GEMIN5: variants seen among roughly 807,000 people sequenced by gnomAD.
The protein encoded by GEMIN5 is gem-associated protein 5.
GEMIN5 carries 124 observed loss-of-function variants against 176.9 expected under a neutral mutation model. The ratio of observed to expected loss-of-function variants is 0.70; its 90% CI spans 0.61 to 0.81. The LOEUF is 0.81. GEMIN5 is among the 40% of genes least tolerant of loss of function. The pLI, the probability that GEMIN5 is intolerant of heterozygous loss-of-function variation, is 0.00. For missense variants in GEMIN5, 1,843 were observed against 1,814.6 expected (o/e 1.02, Z -0.28); for synonymous variants, 673 against 665.2 (o/e 1.01, Z -0.18).
At chr5:154,904,477 T>C (rs1484752209) in intron 18 of GEMIN5, 30 bp downstream of exon 18, 15 of 1,604,088 alleles carry the variant, frequency 9.4e-6, no homozygotes, top group Non-Finnish European at 1.2e-5. Flanking sequence ...CGGAAGACTA[T>C]GGATGGGCCA....
intron 26 of GEMIN5, 87 bp from the exon 27 acceptor site, chr5:154,889,504 A>G (rs1423774082): frequency 2.9e-6 from 2 of 698,084 alleles, no homozygotes; most frequent in African/African-American, 1.8e-5. Flanking sequence ...GGTAAAATGT[A>G]TATAACATAA....
At chr5:154,899,900 T>G (rs1763430398) in intron 21 of GEMIN5, among the ~76,000 whole-genome samples, 1 of 151,776 alleles carries the variant, frequency 6.6e-6, no homozygotes, top group Non-Finnish European at 1.5e-5. Context: ...CAAGCTAAAC[T>G]GGCTGCTTTT....
At chr5:154,895,045 C>CCTTGTTGCCTGTA (rs372821372) in intron 24 of GEMIN5, among the ~76,000 whole-genome samples, 2 of 123,512 alleles carry the variant, frequency 1.6e-5, no homozygotes, top group African/African-American at 6.4e-5. Flanking sequence ...TGCCACTGTA[C>CCTTGTTGCCTGTA]TCCAGCCTGA....
At position 154,891,327 on chromosome 5, in the gene GEMIN5, T is replaced by G; in HGVS notation, c.4176A>C (p.Gln1392His). Residue 1392 changes from glutamine (Q) to histidine (H), a missense_variant, in exon 26 of 28, where the codon CAA (glutamine) becomes CAC (histidine). Coordinates refer to ENST00000285873, the MANE Select transcript of GEMIN5 (RefSeq NM_015465.5). Reference sequence around the variant, plus strand: ...GACCATTTGCTGTGGATTTACAGAGTTGACTCTTTTGGTGTTGTCGGATCA... The same window carrying G: ...GACCATTTGCTGTGGATTTACAGAGGTGACTCTTTTGGTGTTGTCGGATCA... Reference protein sequence around the residue: ...AEMIRQHQKSQLCKSTANGPD... With the variant: ...AEMIRQHQKSHLCKSTANGPD... 1 of 1,614,036 alleles carries G rather than the reference T, an allele frequency of 6.2e-7. No homozygotes were observed. The highest frequency in any genetic ancestry group is 1.1e-5 in the South Asian group (1 of 91,082).
At chr5:154,889,493 TG>T in intron 26 of GEMIN5, 76 bp from the exon 27 acceptor site, 1 of 761,082 alleles carries the variant, frequency 1.3e-6, no homozygotes, top group Non-Finnish European at 2.3e-6. Flanking sequence ...TATTTTACTG[TG>T]GTAAAATGTA....
chr5:154,915,615 G>A (rs1349474205), intron 13 of GEMIN5, among the ~76,000 whole-genome samples: 1 of 152,114 alleles, frequency 6.6e-6, no homozygotes. Flanking sequence ...ATGTATTAGC[G>A]ATGCTACTTG....
chr5:154,907,832 A>G lies in GEMIN5; in HGVS notation c.2168-14T>C, dbSNP rs370210509. 1.3e-6 allele frequency: 2 copies of G among 1,580,460 alleles called. No homozygotes were observed. The highest frequency in any genetic ancestry group is 1.7e-6 in the Non-Finnish European group (2 of 1,150,840). ...TACTTTTTTTGCCTACAAGAATCAC[A>G]ATAAAGGACTGACTAAAGTATACAT... On this transcript the variant is annotated splice_polypyrimidine_tract_variant and intron_variant, in intron 15 of 27. Coordinates refer to ENST00000285873, the MANE Select transcript of GEMIN5 (RefSeq NM_015465.5).
At chr5:154,928,769 G>T in intron 5 of GEMIN5, 110 bp from the exon 6 acceptor site, 3 of 890,096 alleles carry the variant, frequency 3.4e-6, no homozygotes, top group Non-Finnish European at 5.3e-6. Context: ...TGTTAGTTTG[G>T]CTACTTAGAA....
Position 154,924,468 on chromosome 5 carries a change from C to T in GEMIN5, c.1379+1G>A. ...TGGAAGAAGAATCACCCATTTCTTACTTGTTGGAGTAGGTGTCATACAATC... is the reference window on the plus strand; with the variant it reads ...TGGAAGAAGAATCACCCATTTCTTATTTGTTGGAGTAGGTGTCATACAATC... On this transcript the variant is annotated splice_donor_variant, in intron 9 of 27. Transcript: ENST00000285873. LOFTEE classifies it high-confidence loss of function. 6.3e-7 allele frequency: 1 copy of T among 1,594,610 alleles called. No individual in the cohort carries two copies. Among genetic ancestry groups the T allele is most frequent in the Non-Finnish European group, 8.6e-7 (1 of 1,163,082 alleles).
intron 7 of GEMIN5, 138 bp from the exon 8 acceptor site, chr5:154,926,212 C>A: frequency 1.7e-6 from 1 of 591,866 alleles, no homozygotes; most frequent in Non-Finnish European, 3.1e-6. Context: ...GAAGAAAGCA[C>A]TGCTAAGAAA....
In GEMIN5 at chr5:154,922,943, G is replaced by A. The variant is rs182861926; in HGVS notation, c.1380-1518C>T. 9.9e-5 allele frequency among the ~76,000 whole-genome samples: 15 copies of A among 152,078 alleles called. No homozygotes were observed. In the East Asian group the frequency reaches 2.9e-3, roughly 30 times the overall value. On this transcript the variant is annotated intron_variant, in intron 9 of 27. Coordinates refer to ENST00000285873, the MANE Select transcript of GEMIN5 (RefSeq NM_015465.5). ...AATCTCCTGACCTCAGGATCCGCCCGCCTCAGCCTCCCAAAGTGTTGGGAT... is the reference window on the plus strand; with the variant it reads ...AATCTCCTGACCTCAGGATCCGCCCACCTCAGCCTCCCAAAGTGTTGGGAT...
At chr5:154,888,969 T>C (rs920078976) in intron 27 of GEMIN5, among the ~76,000 whole-genome samples, 7 of 152,214 alleles carry the variant, frequency 4.6e-5, no homozygotes, top group Non-Finnish European at 1.0e-4. Flanking sequence ...GCCATTCTCC[T>C]GCCTCCATGC....
intron 21 of GEMIN5, among the ~76,000 whole-genome samples, chr5:154,900,305 C>A (rs368801791): frequency 1.3e-5 from 2 of 152,162 alleles, no homozygotes; most frequent in East Asian, 3.9e-4. Flanking sequence ...AAAGTTGTAG[C>A]TGGGAAAAAA....
At chr5:154,895,750 G>A (rs1053477728) in intron 24 of GEMIN5, among the ~76,000 whole-genome samples, 10 of 152,074 alleles carry the variant, frequency 6.6e-5, no homozygotes, top group Non-Finnish European at 1.3e-4. Flanking sequence ...GTGGCTGGGC[G>A]TGGTGGCGCA....
rs187542130 is a variant in GEMIN5, at chr5:154,931,460, C to T, written c.779G>A (p.Arg260Gln). The T allele has an allele frequency of 1.2e-5, 20 of 1,605,296 alleles. No homozygotes were observed. The highest frequency in any genetic ancestry group is 1.1e-4 in the East Asian group (5 of 44,702). ...TIRIWSCSRG[R>Q]GVMILKLPFL... ...CACAAAAGAAAGATCAATCTTACCTCGGCCTCTAGAACAGCTCCAGATTCG... is the reference window on the plus strand; with the variant it reads ...CACAAAAGAAAGATCAATCTTACCTTGGCCTCTAGAACAGCTCCAGATTCG... Residue 260 changes from arginine to glutamine, a missense_variant and splice_region_variant, in exon 5 of 28, where the codon CGA becomes CAA. Arg to Gln is a conservative substitution (Grantham distance 43, BLOSUM62 1). Coordinates refer to ENST00000285873, the MANE Select transcript of GEMIN5 (RefSeq NM_015465.5).
At position 154,932,816 on chromosome 5, in the gene GEMIN5, T is replaced by C. The variant is rs139793527; in HGVS notation, c.510-566A>G. ...CTGGGCTCAAGCAATCTACCTGCGTTGGCCTCCTAAAGTGATGGGATTATA... is the reference window on the plus strand; with the variant it reads ...CTGGGCTCAAGCAATCTACCTGCGTCGGCCTCCTAAAGTGATGGGATTATA... On this transcript the variant is annotated intron_variant, in intron 3 of 27. Transcript: ENST00000285873. 5.6e-4 allele frequency among the ~76,000 whole-genome samples: 85 copies of C among 152,292 alleles called. 1 individual carries two copies. In the East Asian group the frequency reaches 0.016, roughly 29 times the overall value.
At position 154,891,325 on chromosome 5, in the gene GEMIN5, A is replaced by T; in HGVS notation, c.4178T>A (p.Leu1393His). ...AGGACCATTTGCTGTGGATTTACAG[A>T]GTTGACTCTTTTGGTGTTGTCGGAT... Reference protein sequence around the residue: ...EMIRQHQKSQLCKSTANGPDK... With the variant: ...EMIRQHQKSQHCKSTANGPDK... Residue 1393 changes from leucine (L) to histidine (H), a missense_variant, in exon 26 of 28, where the codon CTC (leucine) becomes CAC (histidine). Physicochemically the swap from Leu to His is moderately conservative, Grantham distance 99 (BLOSUM62 -3). Transcript: ENST00000285873. 4 of 1,613,968 alleles carry T rather than the reference A, an allele frequency of 2.5e-6. No homozygotes were observed. The highest frequency in any genetic ancestry group is 3.4e-6 in the Non-Finnish European group (4 of 1,179,940).
At chr5:154,893,925 G>A (rs1000902298) in intron 24 of GEMIN5, among the ~76,000 whole-genome samples, 1 of 152,046 alleles carries the variant, frequency 6.6e-6, no homozygotes, top group Admixed American at 6.6e-5. Flanking sequence ...GATATTATTT[G>A]TGTGGCAGTA....
intron 2 of GEMIN5, among the ~76,000 whole-genome samples, 161 bp downstream of exon 2, chr5:154,936,864 T>C (rs1438740641): frequency 6.6e-6 from 1 of 152,216 alleles, no homozygotes; most frequent in East Asian, 1.9e-4. Context: ...ATATCTCCTT[T>C]CAAAAAAAGT....
Sources: allele counts gnomAD v4.1 joint callset (sites outside exome capture counted in the v4.1 genomes callset), GRCh38; gene constraint gnomAD v4.1.1; transcripts MANE v1.5; gene names NCBI Gene and HGNC (gene_info 2026-07-23, HGNC 2026-07-21).